The following PRDM15 variants were observed in gnomAD, a reference collection of about 807,000 sequenced individuals.
The protein encoded by PRDM15 is PR domain zinc finger protein 15.
Under a neutral mutation model 128.6 loss-of-function variants are expected in PRDM15, and 64 were observed. The ratio of observed to expected loss-of-function variants is 0.50; its 90% CI spans 0.41 to 0.61. The LOEUF (loss-of-function observed/expected upper bound fraction) is 0.61. Ranked by LOEUF, PRDM15 falls within the 20% of genes least tolerant of loss-of-function variation. PRDM15 has a pLI of 0.00. For missense variants in PRDM15, 1,242 were observed against 1,569.1 expected (o/e 0.79, Z 3.52); for synonymous variants, 615 against 621.8 (o/e 0.99, Z 0.16).
intron 11 of PRDM15, among the ~76,000 whole-genome samples, chr21:41,829,063 C>T (rs1169500732): frequency 1.4e-5 from 2 of 147,882 alleles, no homozygotes; most frequent in African/African-American, 5.0e-5. Context: ...ATCACACACA[C>T]CATACACACA....
At chr21:41,867,588 G>A (rs1355736018) in intron 1 of PRDM15, among the ~76,000 whole-genome samples, 5 of 152,202 alleles carry the variant, frequency 3.3e-5, no homozygotes, top group East Asian at 3.8e-4. Context: ...GAGTACAGCC[G>A]TTGTGCCCAG....
rs999994450 is a variant in PRDM15, at chr21:41,799,667, GA to G, written c.*1572del. 2 of 152,328 alleles carry G rather than the reference GA, an allele frequency of 1.3e-5. No individual in the cohort carries two copies. Among genetic ancestry groups the G allele is most frequent in the African/African-American group, 4.8e-5 (2 of 41,424 alleles). 9.4% of individuals were successfully genotyped at this position (152,328 alleles called of 1,614,324 possible). ...TGAAGTGCTGAGAAAGTTGCGTTTT[GA>G]AAAACACAATCATCCTTTGTTCTGC... On this transcript the variant is annotated 3_prime_UTR_variant, in exon 24 of 24. Coordinates refer to ENST00000398548, the MANE Select transcript of PRDM15 (RefSeq NM_001040424.3).
At chr21:41,836,775 G>T in intron 8 of PRDM15, 126 bp from the exon 9 acceptor site, 2 of 744,984 alleles carry the variant, frequency 2.7e-6, no homozygotes, top group Non-Finnish European at 4.4e-6. Flanking sequence ...CGAGAAAGGA[G>T]GGAATGCGCC....
intron 1 of PRDM15, chr21:41,861,876 G>T: frequency 6.3e-7 from 1 of 1,589,760 alleles, no homozygotes; most frequent in Non-Finnish European, 8.6e-7. Flanking sequence ...GGAGGGGGGT[G>T]AAATTTTCTC....
Position 41,879,223 on chromosome 21 carries a change from G to T in PRDM15, c.-10+47C>A, listed in dbSNP as rs1395851460. On this transcript the variant is annotated intron_variant, in intron 1 of 23. Transcript: ENST00000398548. This position sits in a 1 kb window ranked among gnomAD's most constrained non-coding sequence, Gnocchi z 5.1. ...GCAGCGGGTGCGGCCCGGGGCCGGC[G>T]GGGCGCACGCCGGGGCGGGCGGCGG... 1 of 838,510 alleles carries T rather than the reference G, an allele frequency of 1.2e-6. No individual in the cohort carries two copies. 51.9% of individuals were successfully genotyped at this position (838,510 alleles called of 1,614,324 possible). A position where few individuals can be genotyped will look rare whatever the true frequency, so the allele number is the denominator to read the frequency against.
Position 41,854,439 on chromosome 21 carries a change from C to G in PRDM15, c.538+127G>C. The G allele has an allele frequency of 8.2e-7, 1 of 1,226,882 alleles. No homozygotes were observed. Among genetic ancestry groups the G allele is most frequent in the South Asian group, 1.5e-5 (1 of 68,366 alleles). 76.0% of individuals were successfully genotyped at this position (1,226,882 alleles called of 1,614,324 possible). A position where few individuals can be genotyped will look rare whatever the true frequency, so the allele number is the denominator to read the frequency against. On this transcript the variant is annotated intron_variant, in intron 5 of 23. Transcript: ENST00000398548. The surrounding 1 kb of genome is among the most constrained non-coding windows in gnomAD (Gnocchi z 4.6). ...CCCGACTCTCCACTCCTCCACTCTC[C>G]GCATCCCAGCAGCTGGCCCAGCCCA... is the stretch of plus-strand genomic sequence containing the variant.
chr21:41,828,934 CCACA>C lies in PRDM15; in HGVS notation c.1367-605_1367-602del, dbSNP rs926628557. ...TACAAACACACTCAACACACACCCC[CCACA>C]CAAATACACAATCACACACACCACA... On this transcript the variant is annotated intron_variant, in intron 11 of 23. Coordinates refer to ENST00000398548, the MANE Select transcript of PRDM15 (RefSeq NM_001040424.3). The surrounding 1 kb of genome is among the most constrained non-coding windows in gnomAD (Gnocchi z 5.7). 2.6e-5 allele frequency among the ~76,000 whole-genome samples: 4 copies of C among 151,342 alleles called. No homozygotes were observed. The highest frequency in any genetic ancestry group is 3.9e-4 in the East Asian group (2 of 5,142).
chr21:41,822,707 G>A (rs961614128), intron 14 of PRDM15, among the ~76,000 whole-genome samples: 5 of 152,200 alleles, frequency 3.3e-5, no homozygotes, highest in Non-Finnish European at 7.3e-5. Context: ...GGGCCTCTGG[G>A]AGGCCATTAG....
chr21:41,799,402 C>G lies in PRDM15; in HGVS notation c.*1838G>C, dbSNP rs1432661097. 1 of 152,166 alleles carries G rather than the reference C, an allele frequency of 6.6e-6. No individual in the cohort carries two copies. Among genetic ancestry groups the G allele is most frequent in the Non-Finnish European group, 1.5e-5 (1 of 68,020 alleles). The allele number at this position is 152,166 out of a possible 1,614,324, so 9.4% of individuals were successfully genotyped here. A position where few individuals can be genotyped will look rare whatever the true frequency, so the allele number is the denominator to read the frequency against. ...TTTGATGAGACTACTATGTATAAAACAGTTAATTATATACATAAATAACAT... is the reference window on the plus strand; with the variant it reads ...TTTGATGAGACTACTATGTATAAAAGAGTTAATTATATACATAAATAACAT... On this transcript the variant is annotated 3_prime_UTR_variant, in exon 24 of 24. Transcript: ENST00000398548.
chr21:41,817,291 G>C (rs1194422799), intron 18 of PRDM15, among the ~76,000 whole-genome samples: 1 of 152,132 alleles, frequency 6.6e-6, no homozygotes, highest in Non-Finnish European at 1.5e-5. Flanking sequence ...TCAATACCTG[G>C]TGTCATATTC....
intron 21 of PRDM15, among the ~76,000 whole-genome samples, chr21:41,806,296 C>T (rs1024275861): frequency 8.1e-5 from 1 of 12,364 alleles, no homozygotes. Flanking sequence ...TCACCATCAC[C>T]ACCACCATCA....
At chr21:41,836,092 C>T in intron 10 of PRDM15, 21 bp downstream of exon 10, 1 of 1,580,688 alleles carries the variant, frequency 6.3e-7, no homozygotes, top group South Asian at 1.1e-5. Context: ...GGAAGAGAAC[C>T]CTGGGCTTGT....
At chr21:41,841,389 A>T (rs1568966717) in intron 6 of PRDM15, among the ~76,000 whole-genome samples, 2 of 152,192 alleles carry the variant, frequency 1.3e-5, no homozygotes, top group Admixed American at 6.5e-5. Context: ...GAATAAGAAT[A>T]AACCCAAAAT....
At position 41,862,271 on chromosome 21, in the gene PRDM15, G is replaced by T. The variant is rs192248886; in HGVS notation, c.-9-1899C>A. ...CGCCCCACACTGCGGTCAGATCACC[G>T]CAGAACACAGAGTCCCAACAAAGGT... On this transcript the variant is annotated intron_variant, in intron 1 of 23. Coordinates refer to ENST00000398548, the MANE Select transcript of PRDM15 (RefSeq NM_001040424.3). This position sits in a 1 kb window ranked among gnomAD's most constrained non-coding sequence, Gnocchi z 4.1. Among the ~76,000 whole-genome samples the T allele has an allele frequency of 1.3e-5, 2 of 152,312 alleles. No individual in the cohort carries two copies. The highest frequency in any genetic ancestry group is 1.3e-4 in the Admixed American group (2 of 15,300).
At position 41,826,046 on chromosome 21, in the gene PRDM15, G is replaced by A. The variant is rs1034300834; in HGVS notation, c.1543C>T (p.Arg515Ter). 4 of 1,613,854 alleles carry A rather than the reference G, an allele frequency of 2.5e-6. No homozygotes were observed. The highest frequency in any genetic ancestry group is 1.1e-5 in the South Asian group (1 of 91,066). Residue 515 changes from arginine to a stop codon, truncating the protein, a stop_gained, in exon 13 of 24, where the codon CGA becomes TGA. Transcript: ENST00000398548. LOFTEE classifies it high-confidence loss of function. ...HQRRHLEGVR[R>*]VKREDLEAGG... ...GCCTCCAGGTCCTCTCGCTTCACTC[G>A]CCGCACTCCTGAAATTGCCAACCCC...
chr21:41,815,288 T>C (rs1461146709), intron 19 of PRDM15, among the ~76,000 whole-genome samples: 1 of 152,228 alleles, frequency 6.6e-6, no homozygotes, highest in Non-Finnish European at 1.5e-5. Flanking sequence ...GGATTCACCA[T>C]GGCTTAGCCA....
At chr21:41,878,756 T>C (rs751003442) in intron 1 of PRDM15, 13 of 1,543,536 alleles carry the variant, frequency 8.4e-6, no homozygotes, top group South Asian at 1.1e-5. Flanking sequence ...GCGACCCGCA[T>C]GGGCTGTACC....
Position 41,801,322 on chromosome 21 carries a change from GA to G in PRDM15, c.3343del (p.Ser1115ArgfsTer47). The stretch of plus-strand genomic sequence containing the variant: ...CTGCTGTGGGGGTGCCTGCGGCTGC[GA>G]GGGTGGCAAGACGTCAGTCTGGGGC... The part of the protein sequence containing the change: ...AVPQTDVLPP[S>X]QPQAPPQQAA... On this transcript the variant is annotated frameshift_variant, in exon 24 of 24. Transcript: ENST00000398548. LOFTEE classifies it high-confidence loss of function. The G allele has an allele frequency of 1.3e-6, 2 of 1,581,480 alleles. No individual in the cohort carries two copies. The highest frequency in any genetic ancestry group is 1.7e-6 in the Non-Finnish European group (2 of 1,161,124).
intron 14 of PRDM15, 148 bp from the exon 15 acceptor site, chr21:41,822,185 G>A: frequency 9.0e-7 from 1 of 1,107,592 alleles, no homozygotes; most frequent in South Asian, 1.4e-5. Context: ...CTACACTTGT[G>A]CCCTAGCCCA....
Sources: gnomAD v4.1 joint callset for allele counts (sites outside exome capture counted in the v4.1 genomes callset) on GRCh38, gnomAD v4.1.1 for gene constraint, Gnocchi (gnomAD v3.1) non-coding constraint, MANE v1.5 for transcripts, NCBI Gene and HGNC (gene_info 2026-07-23, HGNC 2026-07-21) for gene names.